Variants in CEP162 observed in about 807,000 individuals in gnomAD.
CEP162 encodes the protein centrosomal protein 162.
In CEP162, 141 loss-of-function variants were observed where a neutral mutation model predicts 169.2. The observed-to-expected ratio is 0.83, with a 90% CI of 0.73 to 0.96. The LOEUF is 0.96. CEP162 is among the 40% of genes least tolerant of loss of function. CEP162 has a pLI of 0.00. For missense variants in CEP162, 1,600 were observed against 1,587.2 expected, an observed-to-expected ratio of 1.01 and a Z score of -0.14; for synonymous variants, 540 against 526.4, an observed-to-expected ratio of 1.03 and a Z score of -0.35.
At chr6:84,142,385 T>C (rs1263211637) in intron 25 of CEP162, among the ~76,000 whole-genome samples, 1 of 152,272 alleles carries the variant, frequency 6.6e-6, no homozygotes, top group African/African-American at 2.4e-5. Flanking sequence ...CATCTGTCTA[T>C]GTTTATGTAC....
intron 4 of CEP162, 139 bp downstream of exon 4, chr6:84,215,637 A>G (rs748048906): frequency 5.6e-6 from 7 of 1,250,482 alleles, no homozygotes; most frequent in African/African-American, 3.1e-5. Context: ...AAGCTTCTCT[A>G]GAATAATTCT....
At chr6:84,141,174 C>T (rs1171576847) in intron 25 of CEP162, among the ~76,000 whole-genome samples, 1 of 152,060 alleles carries the variant, frequency 6.6e-6, no homozygotes, top group African/African-American at 2.4e-5. Flanking sequence ...GTTTGTGGCC[C>T]AGGGTTGGGG....
At chr6:84,213,261 A>G (rs1221162054) in intron 5 of CEP162, among the ~76,000 whole-genome samples, 1 of 152,180 alleles carries the variant, frequency 6.6e-6, no homozygotes, top group Non-Finnish European at 1.5e-5. Flanking sequence ...AAGATGCCCT[A>G]TTTCTTAAAT....
In CEP162 at chr6:84,126,425, T is replaced by A; in HGVS notation, c.3958A>T (p.Lys1320Ter). The A allele has an allele frequency of 6.2e-7, 1 of 1,602,362 alleles. No homozygotes were observed. ...TGTGCATGTCTCATTTCCATCTGCT[T>A]AATTTTCTTTTCTAAGCCCACGAAA... Reference protein sequence around the residue: ...KHFVGLEKKIKQMEMRHAQRE... With the variant: ...KHFVGLEKKI Residue 1320 changes from lysine to a stop codon, truncating the protein, a stop_gained, in exon 26 of 27, where the codon AAG becomes TAG. Transcript: ENST00000403245. LOFTEE classifies it high-confidence loss of function.
In CEP162 at chr6:84,201,780, A is replaced by T; in HGVS notation, c.688-13T>A. The T allele has an allele frequency of 1.6e-6, 2 of 1,283,804 alleles. No individual in the cohort carries two copies. The highest frequency in any genetic ancestry group is 2.2e-6 in the Non-Finnish European group (2 of 918,614). 79.5% of individuals were successfully genotyped at this position (1,283,804 alleles called of 1,614,324 possible). ...TTTTTTCTTCTTCCTAAATTAAAAA[A>T]GGAAAATGATGATATGTTTTGAAAC... On this transcript the variant is annotated splice_polypyrimidine_tract_variant and intron_variant, in intron 7 of 26. Transcript: ENST00000403245.
At chr6:84,221,018 T>TA (rs2099553530) in intron 3 of CEP162, 39 bp downstream of exon 3, 1 of 1,070,426 alleles carries the variant, frequency 9.3e-7, no homozygotes, top group Admixed American at 1.8e-5. Flanking sequence ...TGACCCCTTG[T>TA]GGTCAAATAA....
At chr6:84,180,405 A>G (rs1397232127) in intron 13 of CEP162, among the ~76,000 whole-genome samples, 2 of 152,084 alleles carry the variant, frequency 1.3e-5, no homozygotes, top group East Asian at 1.9e-4. Flanking sequence ...ATGGGCAAAA[A>G]CTAGAAGCAT....
In CEP162 at chr6:84,152,797, C is replaced by G. The variant is rs771584753; in HGVS notation, c.3377G>C (p.Gly1126Ala). Residue 1126 changes from glycine (G) to alanine (A), a missense_variant, in exon 23 of 27, where the codon GGC (glycine) becomes GCC (alanine). By Grantham distance (60) the Gly-to-Ala change is moderately conservative. Coordinates refer to ENST00000403245, the MANE Select transcript of CEP162 (RefSeq NM_014895.4). The part of the protein sequence containing the change: ...RMMLSNQNSK[G>A]REEMSAKRAK... ...CCTTTTGGCAGACATTTCCTCTCTG[C>G]CCTTTGAGTTCTGATTTGATAGCAT... is the stretch of plus-strand genomic sequence containing the variant. 3 of 1,613,490 alleles carry G rather than the reference C, an allele frequency of 1.9e-6. No individual in the cohort carries two copies. Among genetic ancestry groups the G allele is most frequent in the Non-Finnish European group, 2.5e-6 (3 of 1,179,778 alleles).
At chr6:84,153,321 G>T (rs942260944) in intron 22 of CEP162, 142 bp from the exon 23 acceptor site, 12 of 690,036 alleles carry the variant, frequency 1.7e-5, no homozygotes, top group Non-Finnish European at 2.3e-5. Context: ...TGTTTCTTGA[G>T]TGAGTCAAAT....
chr6:84,126,740 C>T (rs1397160308), intron 25 of CEP162, among the ~76,000 whole-genome samples: 2 of 152,136 alleles, frequency 1.3e-5, no homozygotes, highest in Non-Finnish European at 2.9e-5. Context: ...CCATCTTCTA[C>T]CTCCCAAGTA....
chr6:84,204,153 C>G, intron 6 of CEP162, 57 bp from the exon 7 acceptor site: 1 of 1,004,924 alleles, frequency 1.0e-6, no homozygotes, highest in Non-Finnish European at 1.5e-6. Context: ...AGTCAAATTC[C>G]AGGAAAAGGC....
rs187303509 is a variant in CEP162, at chr6:84,206,390, G to A, written c.572-2294C>T. ...AACAGAGATGTAGACCAATGGAACA[G>A]AACAGAGCCCTCAGAAATAATACCA... On this transcript the variant is annotated intron_variant, in intron 6 of 26. Coordinates refer to ENST00000403245, the MANE Select transcript of CEP162 (RefSeq NM_014895.4). 8.8e-3 allele frequency among the ~76,000 whole-genome samples: 1,338 copies of A among 152,168 alleles called. 15 individuals carry two copies. Among genetic ancestry groups the A allele is most frequent in the South Asian group, 0.02 (96 of 4,820 alleles).
intron 18 of CEP162, among the ~76,000 whole-genome samples, chr6:84,164,672 A>G (rs1037279552): frequency 1.3e-5 from 2 of 152,100 alleles, no homozygotes; most frequent in African/African-American, 4.8e-5. Flanking sequence ...CAGGGAGGGG[A>G]ACATCACACA....
intron 6 of CEP162, among the ~76,000 whole-genome samples, chr6:84,206,516 T>C (rs1197007670): frequency 1.3e-5 from 2 of 152,208 alleles, no homozygotes; most frequent in Non-Finnish European, 2.9e-5. Context: ...TGCCTAGCCA[T>C]ATGTAGAAAG....
intron 10 of CEP162, 58 bp downstream of exon 10, chr6:84,194,826 C>G: frequency 8.0e-7 from 1 of 1,245,974 alleles, no homozygotes; most frequent in Non-Finnish European, 1.1e-6. Flanking sequence ...TTATATTACA[C>G]TAAAAACTCT....
At chr6:84,178,386 T>A (rs768751625) in intron 13 of CEP162, among the ~76,000 whole-genome samples, 2 of 152,190 alleles carry the variant, frequency 1.3e-5, no homozygotes, top group Non-Finnish European at 2.9e-5. Flanking sequence ...TGAAACAAGA[T>A]TGAATAGGAG....
intron 23 of CEP162, among the ~76,000 whole-genome samples, chr6:84,152,215 T>C (rs2129201900): frequency 6.6e-6 from 1 of 152,330 alleles, no homozygotes; most frequent in East Asian, 1.9e-4. Context: ...TCTATAGCAA[T>C]AATAAACTAT....
At chr6:84,182,621 G>C (rs1388065805) in intron 13 of CEP162, among the ~76,000 whole-genome samples, 3 of 152,124 alleles carry the variant, frequency 2.0e-5, no homozygotes, top group Non-Finnish European at 4.4e-5. Flanking sequence ...TTCCTGGGTT[G>C]ATGGTTTGGC....
intron 18 of CEP162, among the ~76,000 whole-genome samples, chr6:84,164,403 T>G (rs1037121496): frequency 6.6e-6 from 1 of 152,200 alleles, no homozygotes; most frequent in Non-Finnish European, 1.5e-5. Flanking sequence ...TGCACACATA[T>G]GTTTATTGCA....
Sources: gnomAD v4.1 joint callset for allele counts (sites outside exome capture counted in the v4.1 genomes callset) on GRCh38, gnomAD v4.1.1 for gene constraint, MANE v1.5 for transcripts, NCBI Gene and HGNC (gene_info 2026-07-23, HGNC 2026-07-21) for gene names.